Variants in RYR3 observed in about 807,000 individuals in gnomAD.
RYR3 encodes the protein ryanodine receptor 3.
RYR3 carries 207 observed loss-of-function variants against 584.3 expected under a neutral mutation model. That is an observed-to-expected ratio of 0.35 (90% CI 0.32 to 0.40). The LOEUF (loss-of-function observed/expected upper bound fraction) is 0.40. RYR3 is among the 10% of genes least tolerant of loss of function. The pLI is 1.00. For missense variants in RYR3, 5,616 were observed against 6,089.2 expected, an observed-to-expected ratio of 0.92 and a Z score of 2.59; for synonymous variants, 2,416 against 2,248.5, an observed-to-expected ratio of 1.07 and a Z score of -2.11.
Position 33,838,108 on chromosome 15 carries a change from G to A in RYR3, c.12128G>A (p.Arg4043His), listed in dbSNP as rs2078152436. 2 of 1,613,940 alleles carry A rather than the reference G, an allele frequency of 1.2e-6. No individual in the cohort carries two copies. Among genetic ancestry groups the A allele is most frequent in the Non-Finnish European group, 8.5e-7 (1 of 1,179,890 alleles). ...ATGGGTGGGGCCAAGAAGATTGAGC[G>A]TGTTTATTTTGAGATCAGTGAATCC... ...EIMGGAKKIE[R>H]VYFEISESSR... The change falls in exon 89 of 104, where the codon CGT (arginine) becomes CAT (histidine). Residue 4043 changes from arginine (R) to histidine (H), a missense_variant. Physicochemically the swap from Arg to His is conservative, Grantham distance 29 (BLOSUM62 0). Transcript: ENST00000634891.
chr15:33,854,316 CT>C, intron 96 of RYR3, 72 bp from the exon 97 acceptor site: 20 of 1,298,802 alleles, frequency 1.5e-5, no homozygotes, highest in Non-Finnish European at 2.1e-5. Flanking sequence ...AAAAAACTTA[CT>C]TTTTCCCCCT....
intron 43 of RYR3, among the ~76,000 whole-genome samples, chr15:33,713,666 A>G (rs2067280513): frequency 6.6e-6 from 1 of 152,196 alleles, no homozygotes; most frequent in Admixed American, 6.5e-5. Context: ...TGCCATAACA[A>G]AATACCATAG....
chr15:33,799,368 AG>A (rs1450530137), intron 67 of RYR3, among the ~76,000 whole-genome samples: 1 of 152,028 alleles, frequency 6.6e-6, no homozygotes, highest in Non-Finnish European at 1.5e-5. Context: ...GGGAGAGGAG[AG>A]GGGCTGGATA....
chr15:33,420,475 G>C (rs932463901), intron 1 of RYR3, among the ~76,000 whole-genome samples: 1 of 152,122 alleles, frequency 6.6e-6, no homozygotes, highest in Non-Finnish European at 1.5e-5. Flanking sequence ...ATTTCTTGTA[G>C]ACCATTCCAT....
chr15:33,827,885 G>A (rs746105142), intron 85 of RYR3, among the ~76,000 whole-genome samples: 1 of 152,166 alleles, frequency 6.6e-6, no homozygotes, highest in Non-Finnish European at 1.5e-5. Context: ...ATGCCATAGG[G>A]TGGTAGTAAA....
chr15:33,816,896 C>G lies in RYR3; in HGVS notation c.10537C>G (p.Gln3513Glu). The G allele has an allele frequency of 6.2e-7, 1 of 1,612,700 alleles. No homozygotes were observed. The highest frequency in any genetic ancestry group is 8.5e-7 in the Non-Finnish European group (1 of 1,179,234). Residue 3513 changes from glutamine (Q) to glutamate (E), a missense_variant, in exon 75 of 104, where the codon CAG becomes GAG. Around this residue, in one of 9 missense-constraint regions of RYR3, gnomAD observed 954 missense variants for 1,132.2 expected, o/e 0.84. Coordinates refer to ENST00000634891, the MANE Select transcript of RYR3 (RefSeq NM_001036.6). ...TATTAACCTCTTCCTCCATGGCTAT[C>G]AGAGATTTTGGATAGAAACAGAGGA... ...RSINLFLHGY[Q>E]RFWIETEEYS...
chr15:33,416,393 A>G (rs2676047), intron 1 of RYR3, among the ~76,000 whole-genome samples: 10,939 of 152,242 alleles, frequency 0.072, 1,348 homozygotes, highest in African/African-American at 0.25. Context: ...AATAGTAGCC[A>G]TTCTGACTGG....
At chr15:33,683,025 C>T (rs893364520) in intron 38 of RYR3, among the ~76,000 whole-genome samples, 2 of 151,260 alleles carry the variant, frequency 1.3e-5, no homozygotes, top group Admixed American at 6.6e-5. Flanking sequence ...GATGGAGTCT[C>T]GCTCTGTTGC....
chr15:33,726,563 G>T (rs1193627373), intron 46 of RYR3, 57 bp downstream of exon 46: 3 of 1,521,802 alleles, frequency 2.0e-6, no homozygotes, highest in Non-Finnish European at 2.6e-6. Flanking sequence ...CTGGCTCGGG[G>T]CAGGACTCTG....
At chr15:33,735,102 A>G (rs959503233) in intron 48 of RYR3, among the ~76,000 whole-genome samples, 15 of 152,132 alleles carry the variant, frequency 9.9e-5, no homozygotes, top group African/African-American at 3.6e-4. Flanking sequence ...AGGCAAACTG[A>G]TACTTAACTA....
At chr15:33,519,198 T>A (rs183135284) in intron 3 of RYR3, among the ~76,000 whole-genome samples, 50 of 152,304 alleles carry the variant, frequency 3.3e-4, no homozygotes, top group African/African-American at 1.2e-3. Context: ...GATCTGGGGT[T>A]GACAATGGTG....
At chr15:33,404,587 G>GTTTTTTTTTTTTTT (rs1314769832) in intron 1 of RYR3, among the ~76,000 whole-genome samples, 1 of 130,890 alleles carries the variant, frequency 7.6e-6, no homozygotes, top group African/African-American at 3.3e-5. Context: ...TTACTACTGT[G>GTTTTTTTTTTTTTT]TGTTTTTTTT....
rs762926078 is a variant in RYR3 at position 33,757,581 on chromosome 15, A to G, written c.8690A>G (p.Lys2897Arg). The G allele has an allele frequency of 6.2e-7, 1 of 1,611,120 alleles. No individual in the cohort carries two copies. The highest frequency in any genetic ancestry group is 1.1e-5 in the South Asian group (1 of 89,900). ...SSSGYASHKE[K>R]EMVAGLFCKL... ...AGCGGATATGCCTCCCATAAGGAGA[A>G]AGAAATGGTGGCCGGGTGAGTCTAC... Residue 2897 changes from lysine (K) to arginine (R), a missense_variant, in exon 60 of 104, where the codon AAA becomes AGA. Physicochemically the swap from Lys to Arg is conservative, Grantham distance 26. Transcript: ENST00000634891.
intron 70 of RYR3, among the ~76,000 whole-genome samples, chr15:33,808,494 G>A (rs1172993001): frequency 6.6e-6 from 1 of 152,138 alleles, no homozygotes; most frequent in Non-Finnish European, 1.5e-5. Context: ...ACACTTTTGA[G>A]CATATTTATT....
intron 1 of RYR3, among the ~76,000 whole-genome samples, chr15:33,342,674 TCTC>T (rs1364109496): frequency 1.1e-4 from 16 of 152,026 alleles, no homozygotes; most frequent in Admixed American, 8.5e-4. Context: ...CTTCCCCCCT[TCTC>T]CTAAATTCAA....
At chr15:33,375,605 C>G (rs1021145125) in intron 1 of RYR3, among the ~76,000 whole-genome samples, 2 of 152,206 alleles carry the variant, frequency 1.3e-5, no homozygotes, top group African/African-American at 4.8e-5. Context: ...TGATAGAGAT[C>G]TCTATCCACA....
intron 1 of RYR3, among the ~76,000 whole-genome samples, chr15:33,414,929 A>G (rs1193297135): frequency 1.3e-5 from 2 of 152,146 alleles, no homozygotes; most frequent in Admixed American, 1.3e-4. Flanking sequence ...ATAACCTGCC[A>G]ATCATCTTTG....
chr15:33,784,698 C>G (rs2074598206), intron 65 of RYR3, among the ~76,000 whole-genome samples: 1 of 152,150 alleles, frequency 6.6e-6, no homozygotes, highest in Non-Finnish European at 1.5e-5. Flanking sequence ...AACCTTTGGG[C>G]TTGTGGCTCT....
At chr15:33,661,039 A>T (rs916593765) in intron 34 of RYR3, among the ~76,000 whole-genome samples, 2 of 152,208 alleles carry the variant, frequency 1.3e-5, no homozygotes, top group Non-Finnish European at 2.9e-5. Flanking sequence ...TGAATAAAAA[A>T]GCAGAGCAAT....
Sources: gnomAD v4.1 joint callset for allele counts (sites outside exome capture counted in the v4.1 genomes callset) on GRCh38, gnomAD v4.1.1 for gene constraint, gnomAD v4.1.1 regional missense constraint, MANE v1.5 for transcripts, NCBI Gene and HGNC (gene_info 2026-07-23, HGNC 2026-07-21) for gene names.